NRG1: variants seen among roughly 807,000 people sequenced by gnomAD.
The protein encoded by NRG1 is pro-neuregulin-1, membrane-bound isoform.
In NRG1, 18 loss-of-function variants were observed where a neutral mutation model predicts 63.8. The observed-to-expected ratio is 0.28, with a 90% confidence interval of 0.19 to 0.42. The LOEUF (loss-of-function observed/expected upper bound fraction) is 0.42. Ranked by LOEUF, NRG1 falls within the 10% of genes least tolerant of loss-of-function variation. The pLI is 1.00. For synonymous variants in NRG1, 302 were observed against 301.3 expected (o/e 1.00, Z -0.02); for missense variants, 762 against 814.7 (o/e 0.94, Z 0.79).
At chr8:31,918,224 A>G (rs1176846658) in intron 1 of NRG1, among the ~76,000 whole-genome samples, 1 of 152,206 alleles carries the variant, frequency 6.6e-6, no homozygotes, top group East Asian at 1.9e-4. Context: ...CCTAGCCAGA[A>G]CTTCCAACAG....
At chr8:32,179,908 T>G (rs534933149) in intron 1 of NRG1, among the ~76,000 whole-genome samples, 5 of 152,286 alleles carry the variant, frequency 3.3e-5, no homozygotes, top group Non-Finnish European at 5.9e-5. Context: ...TTTCAAGGAC[T>G]AAACACGAAG....
chr8:32,723,623 G>C (rs1344022971), intron 5 of NRG1, among the ~76,000 whole-genome samples: 1 of 133,322 alleles, frequency 7.5e-6, no homozygotes, highest in East Asian at 2.4e-4. Flanking sequence ...CTGGGAGGCA[G>C]AGGTTGCAGT....
intron 1 of NRG1, among the ~76,000 whole-genome samples, chr8:32,164,748 A>G (rs1172846115): frequency 1.3e-5 from 2 of 152,236 alleles, no homozygotes; most frequent in Non-Finnish European, 2.9e-5. Context: ...CTTTAATCAA[A>G]GATGGGATAT....
At chr8:32,605,832 A>G in intron 3 of NRG1, 149 bp downstream of exon 3, 1 of 888,502 alleles carries the variant, frequency 1.1e-6, no homozygotes, top group Non-Finnish European at 1.7e-6. Flanking sequence ...AGGATCTTGT[A>G]TGTCTTTCAT....
At chr8:31,996,975 G>A (rs927672377) in intron 1 of NRG1, among the ~76,000 whole-genome samples, 4 of 151,784 alleles carry the variant, frequency 2.6e-5, no homozygotes, top group Admixed American at 6.6e-5. Context: ...TATACAATAG[G>A]TACAGTAATT....
rs930038221 is a variant in NRG1, at chr8:32,761,004, C to G, written c.1259+598C>G. On this transcript the variant is annotated intron_variant, in intron 11 of 11. Transcript: ENST00000356819. ...CTTGGATGCTGCGTCTGGCAGTCTT[C>G]ACGGGTGGTTTTCAAAGCAGATACT... 7.1e-6 allele frequency: 7 copies of G among 985,648 alleles called. No individual in the cohort carries two copies. In the African/African-American group the frequency reaches 1.0e-4, roughly 15 times the overall value. The allele number at this position is 985,648 out of a possible 1,614,324, so 61.1% of individuals were successfully genotyped here.
At chr8:31,721,604 C>T (rs1287621292) in intron 1 of NRG1, among the ~76,000 whole-genome samples, 1 of 151,954 alleles carries the variant, frequency 6.6e-6, no homozygotes, top group Non-Finnish European at 1.5e-5. Context: ...AAAAAAGAAA[C>T]TAAGGCTATA....
At chr8:32,097,655 G>A (rs1028082634) in intron 1 of NRG1, among the ~76,000 whole-genome samples, 3 of 152,098 alleles carry the variant, frequency 2.0e-5, no homozygotes, top group Non-Finnish European at 4.4e-5. Flanking sequence ...CAAAAGATGA[G>A]GAGAAGTTAG....
At chr8:32,633,927 A>C (rs747989106) in intron 5 of NRG1, among the ~76,000 whole-genome samples, 8 of 151,972 alleles carry the variant, frequency 5.3e-5, no homozygotes, top group Non-Finnish European at 1.2e-4. Context: ...GGATCGCTTG[A>C]GGCCAGGAGT....
intron 1 of NRG1, among the ~76,000 whole-genome samples, chr8:32,103,500 T>C (rs1001944543): frequency 3.3e-5 from 5 of 152,252 alleles, no homozygotes; most frequent in African/African-American, 1.2e-4. Context: ...AACATGGATG[T>C]GCAGGTATCT....
intron 1 of NRG1, among the ~76,000 whole-genome samples, chr8:31,919,143 C>CA (rs1288783165): frequency 2.6e-5 from 4 of 151,892 alleles, no homozygotes; most frequent in Non-Finnish European, 5.9e-5. Flanking sequence ...TTGATCCTTT[C>CA]AAAAAACCAG....
chr8:32,561,320 T>G (rs1836351556), intron 1 of NRG1, among the ~76,000 whole-genome samples: 1 of 152,240 alleles, frequency 6.6e-6, no homozygotes, highest in South Asian at 2.1e-4. Flanking sequence ...CATAGGAATT[T>G]GAAGGCTGTA....
intron 1 of NRG1, among the ~76,000 whole-genome samples, chr8:32,176,079 A>C (rs1215866050): frequency 6.6e-6 from 1 of 152,200 alleles, no homozygotes; most frequent in African/African-American, 2.4e-5. Flanking sequence ...CTGACTTCAA[A>C]CTACAAGGCT....
At chr8:32,507,777 A>T (rs1161974467) in intron 1 of NRG1, among the ~76,000 whole-genome samples, 3 of 138,312 alleles carry the variant, frequency 2.2e-5, no homozygotes, top group Non-Finnish European at 5.0e-5. Flanking sequence ...GGCTTACTGC[A>T]ACCTCCACCT....
At chr8:31,891,215 G>A (rs1002953983) in intron 1 of NRG1, among the ~76,000 whole-genome samples, 1 of 152,086 alleles carries the variant, frequency 6.6e-6, no homozygotes, top group Non-Finnish European at 1.5e-5. Context: ...GGAAAGACAA[G>A]CTACAGATTG....
chr8:32,123,904 G>A, intron 1 of NRG1, among the ~76,000 whole-genome samples: 1 of 151,658 alleles, frequency 6.6e-6, no homozygotes, highest in Admixed American at 6.6e-5. Flanking sequence ...GAACTCAAGG[G>A]GGAAGTTTGA....
intron 1 of NRG1, among the ~76,000 whole-genome samples, chr8:31,747,884 AT>A (rs1331396975): frequency 6.6e-6 from 1 of 151,926 alleles, no homozygotes; most frequent in Non-Finnish European, 1.5e-5. Context: ...TATATTTACT[AT>A]TTTAACTTCA....
intron 5 of NRG1, among the ~76,000 whole-genome samples, chr8:32,694,493 C>T (rs1279255777): frequency 2.0e-5 from 3 of 152,078 alleles, no homozygotes; most frequent in African/African-American, 4.8e-5. Context: ...TCATGGTGCT[C>T]GATCAGTTCC....
intron 1 of NRG1, among the ~76,000 whole-genome samples, chr8:31,669,772 G>C (rs1460406571): frequency 6.6e-6 from 1 of 152,168 alleles, no homozygotes; most frequent in Non-Finnish European, 1.5e-5. Context: ...GGTGTGCACA[G>C]AAAAGATATA....
Sources: gnomAD v4.1 joint callset for allele counts (sites outside exome capture counted in the v4.1 genomes callset) on GRCh38, gnomAD v4.1.1 for gene constraint, MANE v1.5 for transcripts, NCBI Gene and HGNC (gene_info 2026-07-23, HGNC 2026-07-21) for gene names.